TMEM132D: variants seen among roughly 807,000 people sequenced by gnomAD.
TMEM132D encodes the protein mature OL transmembrane protein.
Under a neutral mutation model 62.3 loss-of-function variants are expected in TMEM132D, and 21 were observed. The observed-to-expected ratio is 0.34, with a 90% CI of 0.24 to 0.49. The LOEUF is 0.49. Among genes scored for constraint, TMEM132D ranks in the 20% least tolerant of loss-of-function variants. TMEM132D has a pLI of 0.99. For missense variants in TMEM132D, 1,346 were observed against 1,402.8 expected (o/e 0.96, Z 0.65); for synonymous variants, 621 against 575.6 (o/e 1.08, Z -1.13).
rs375230592 is a variant in TMEM132D, at chr12:129,770,140, G to GTTTTTTTTT, written c.80-69443_80-69442insAAAAAAAAA. Among the ~76,000 whole-genome samples, 22 of 104,340 alleles carry GTTTTTTTTT rather than the reference G, an allele frequency of 2.1e-4. 3 individuals are homozygous for GTTTTTTTTT. Among genetic ancestry groups the GTTTTTTTTT allele is most frequent in the Non-Finnish European group, 2.6e-4 (14 of 54,150 alleles). The allele number at this position is 104,340 out of a possible 152,430, so 68.5% of individuals were successfully genotyped here. A position where few individuals can be genotyped will look rare whatever the true frequency, so the allele number is the denominator to read the frequency against. On this transcript the variant is annotated intron_variant, in intron 1 of 8. Transcript: ENST00000422113. ...ATGAGATTCTTTGTGGGTTTTTTTGGTTGTTTTTTTTTTTTTTTTTTGAGA... is the reference window on the plus strand; with the variant it reads ...ATGAGATTCTTTGTGGGTTTTTTTGGTTTTTTTTTTTGTTTTTTTTTTTTTTTTTTGAGA...
intron 1 of TMEM132D, among the ~76,000 whole-genome samples, chr12:129,785,329 C>T (rs1487703063): frequency 1.3e-5 from 2 of 152,178 alleles, no homozygotes; most frequent in African/African-American, 4.8e-5. Flanking sequence ...CATCTCAACT[C>T]TGCCACTAAC....
At chr12:129,778,832 T>A (rs938256296) in intron 1 of TMEM132D, among the ~76,000 whole-genome samples, 8 of 152,182 alleles carry the variant, frequency 5.3e-5, no homozygotes, top group Non-Finnish European at 1.0e-4. Context: ...CTTCTATGTC[T>A]CTATTAGCCA....
intron 3 of TMEM132D, among the ~76,000 whole-genome samples, chr12:129,397,610 G>A (rs1273010726): frequency 6.6e-6 from 1 of 152,168 alleles, no homozygotes; most frequent in African/African-American, 2.4e-5. Context: ...AAAACTATAA[G>A]AATGGTATCT....
intron 5 of TMEM132D, among the ~76,000 whole-genome samples, chr12:129,199,824 GCCCCCACGTTTCAATTAC>G (rs1878649661): frequency 6.6e-6 from 1 of 152,026 alleles, no homozygotes; most frequent in Admixed American, 6.6e-5. Context: ...GGAAAGACCC[GCCCCCACGTTTCAATTAC>G]CTCCCACTGG....
rs1205088610 is a variant in TMEM132D at position 129,700,645 on chromosome 12, T to A, written c.133A>T (p.Thr45Ser). Residue 45 changes from threonine to serine, a missense_variant, in exon 2 of 9, where the codon ACC (threonine) becomes TCC (serine). Thr to Ser is a moderately conservative substitution (Grantham distance 58). Transcript: ENST00000422113. ...ATGTGGTAGGTCACGGGGAGGTAGG[T>A]GGGCAGCAAGGAAAACCTCTGGATG... ...ESIQRFSLLP[T>S]YLPVTYHINN... 2 of 1,613,762 alleles carry A rather than the reference T, an allele frequency of 1.2e-6. No individual in the cohort carries two copies. Among genetic ancestry groups the A allele is most frequent in the South Asian group, 2.2e-5 (2 of 91,062 alleles).
rs553088853 is a variant in TMEM132D at position 129,466,442 on chromosome 12, C to G, written c.1115+64617G>C. Among the ~76,000 whole-genome samples, 262 of 151,954 alleles carry G rather than the reference C, an allele frequency of 1.7e-3. 1 individual carries two copies. The highest frequency in any genetic ancestry group is 6.1e-3 in the African/African-American group (254 of 41,426). The stretch of plus-strand genomic sequence containing the variant: ...TCCTCCCCGCCCCCGTCCTAAGCCT[C>G]TCAAGTAGCTGGGGCCACAGGCACG... On this transcript the variant is annotated intron_variant, in intron 3 of 8. Transcript: ENST00000422113.
chr12:129,736,914 C>A (rs1384348553), intron 1 of TMEM132D, among the ~76,000 whole-genome samples: 1 of 151,080 alleles, frequency 6.6e-6, no homozygotes, highest in Non-Finnish European at 1.5e-5. Flanking sequence ...GCCACCCGGG[C>A]TCAAGCGATT....
intron 4 of TMEM132D, among the ~76,000 whole-genome samples, chr12:129,215,687 C>A (rs1420720346): frequency 2.0e-5 from 3 of 152,132 alleles, no homozygotes; most frequent in Non-Finnish European, 2.9e-5. Flanking sequence ...GGGACTCTCT[C>A]TTGGATTGTG....
At chr12:129,763,913 A>G (rs1020564) in intron 1 of TMEM132D, among the ~76,000 whole-genome samples, 147,556 of 152,246 alleles carry the variant, frequency 0.97, 71,674 homozygotes, top group Middle Eastern at 1. Flanking sequence ...GCCCTGTTTC[A>G]TTGCAGTAGG....
intron 4 of TMEM132D, among the ~76,000 whole-genome samples, chr12:129,244,615 GTTT>G (rs541789149): frequency 6.6e-6 from 1 of 151,386 alleles, no homozygotes; most frequent in Non-Finnish European, 1.5e-5. Flanking sequence ...ATGTTTGTTT[GTTT>G]TTTGTTTTAT....
At chr12:129,831,720 G>T (rs576083854) in intron 1 of TMEM132D, among the ~76,000 whole-genome samples, 109 of 152,226 alleles carry the variant, frequency 7.2e-4, no homozygotes, top group African/African-American at 2.4e-3. Context: ...CCAGCTCTCA[G>T]CTCTTCTACT....
At chr12:129,176,296 C>A (rs896674413) in intron 5 of TMEM132D, among the ~76,000 whole-genome samples, 4 of 152,188 alleles carry the variant, frequency 2.6e-5, no homozygotes, top group Admixed American at 6.5e-5. Context: ...GTATATCCCA[C>A]CCCCCAAGCT....
intron 2 of TMEM132D, among the ~76,000 whole-genome samples, chr12:129,640,426 G>A (rs1410400267): frequency 6.6e-6 from 1 of 152,180 alleles, no homozygotes; most frequent in Non-Finnish European, 1.5e-5. Flanking sequence ...TCCCATGGGG[G>A]ACCCCTTATC....
Position 129,071,955 on chromosome 12 carries a change from T to C in TMEM132D, c.*1920A>G, listed in dbSNP as rs1173117838. 6.6e-6 allele frequency: 1 copy of C among 152,006 alleles called. No individual in the cohort carries two copies. The highest frequency in any genetic ancestry group is 1.5e-5 in the Non-Finnish European group (1 of 68,024). 9.4% of individuals were successfully genotyped at this position (152,006 alleles called of 1,614,324 possible). On this transcript the variant is annotated 3_prime_UTR_variant, in exon 9 of 9. Transcript: ENST00000422113. ...AGCTTAATCACCCAACCAAACAAGG[T>C]AGGTAAGCTTGCGGACAGGAGCAGG...
chr12:129,900,750 T>C (rs1364445684), intron 1 of TMEM132D, among the ~76,000 whole-genome samples: 2 of 152,094 alleles, frequency 1.3e-5, no homozygotes, highest in Non-Finnish European at 2.9e-5. Flanking sequence ...GCTAGCACCA[T>C]TGCAAACTAC....
chr12:129,691,883 C>T (rs1048613609), intron 2 of TMEM132D, among the ~76,000 whole-genome samples: 2 of 151,958 alleles, frequency 1.3e-5, no homozygotes, highest in African/African-American at 2.4e-5. Context: ...CCTTGAAAGA[C>T]ACAAACTAAC....
chr12:129,601,453 C>T (rs548496163), intron 2 of TMEM132D, among the ~76,000 whole-genome samples: 168 of 152,308 alleles, frequency 1.1e-3, no homozygotes, highest in Non-Finnish European at 1.9e-3. Context: ...TTTTTCTCCA[C>T]GTTCGAAACA....
Position 129,664,421 on chromosome 12 carries a change from A to ATTTTTTT in TMEM132D, c.968+35382_968+35388dup, listed in dbSNP as rs34308998. The stretch of plus-strand genomic sequence containing the variant: ...ATCTTGACATTCTACAATTACAAGA[A>ATTTTTTT]TTTTTTTTTTTTTTTTTTTTTGAGA... On this transcript the variant is annotated intron_variant, in intron 2 of 8. Transcript: ENST00000422113. Among the ~76,000 whole-genome samples the ATTTTTTT allele has an allele frequency of 1.8e-3, 201 of 114,230 alleles. 4 individuals are homozygous for ATTTTTTT. The highest frequency in any genetic ancestry group is 6.0e-3 in the East Asian group (22 of 3,686). 74.9% of individuals were successfully genotyped at this position (114,230 alleles called of 152,430 possible). A position where few individuals can be genotyped will look rare whatever the true frequency, so the allele number is the denominator to read the frequency against.
chr12:129,605,232 T>A (rs916573732), intron 2 of TMEM132D, among the ~76,000 whole-genome samples: 2 of 152,198 alleles, frequency 1.3e-5, no homozygotes, highest in Admixed American at 1.3e-4. Context: ...GCTTGGGACA[T>A]GACGGGCATG....
Sources: gnomAD v4.1 joint callset for allele counts (sites outside exome capture counted in the v4.1 genomes callset) on GRCh38, gnomAD v4.1.1 for gene constraint, MANE v1.5 for transcripts, NCBI Gene and HGNC (gene_info 2026-07-23, HGNC 2026-07-21) for gene names.